NFATC3: variants seen among roughly 807,000 people sequenced by gnomAD.
NFATC3 encodes the protein nuclear factor of activated T cells 3, also known as nuclear factor of activated T-cells, cytoplasmic 3.
NFATC3 carries 46 observed loss-of-function variants against 98.6 expected under a neutral mutation model. The ratio of observed to expected loss-of-function variants is 0.47; its 90% CI spans 0.37 to 0.60. NFATC3 has a LOEUF of 0.60. Ranked by LOEUF, NFATC3 falls within the 20% of genes least tolerant of loss-of-function variation. The pLI, the probability that NFATC3 is intolerant of heterozygous loss-of-function variation, is 0.00. For synonymous variants in NFATC3, 512 were observed against 472.2 expected, an observed-to-expected ratio of 1.08 and a Z score of -1.09; for missense variants, 1,256 against 1,295.5, an observed-to-expected ratio of 0.97 and a Z score of 0.47.
intron 1 of NFATC3, among the ~76,000 whole-genome samples, chr16:68,107,287 A>G (rs987842797): frequency 1.2e-4 from 18 of 152,174 alleles, no homozygotes; most frequent in African/African-American, 3.9e-4. Context: ...AGGTAAAATG[A>G]TATTTTTGGT....
intron 1 of NFATC3, among the ~76,000 whole-genome samples, chr16:68,116,796 C>T (rs1023269274): frequency 6.7e-6 from 1 of 150,126 alleles, no homozygotes; most frequent in Non-Finnish European, 1.5e-5. Flanking sequence ...CTATGGGTGA[C>T]TTTCTGTCCT....
At chr16:68,129,105 T>C (rs1045540276) in intron 3 of NFATC3, among the ~76,000 whole-genome samples, 4 of 151,738 alleles carry the variant, frequency 2.6e-5, no homozygotes, top group African/African-American at 9.7e-5. Context: ...TACAAAAAAT[T>C]TGAAAAATAG....
At chr16:68,211,217 C>T (rs567616895) in intron 9 of NFATC3, among the ~76,000 whole-genome samples, 1 of 152,124 alleles carries the variant, frequency 6.6e-6, no homozygotes, top group Non-Finnish European at 1.5e-5. Context: ...GAGATGGAGT[C>T]TCGCTCTGTC....
intron 3 of NFATC3, among the ~76,000 whole-genome samples, chr16:68,137,780 A>AT (rs2037513082): frequency 6.6e-6 from 1 of 151,252 alleles, no homozygotes; most frequent in African/African-American, 2.4e-5. Context: ...CGCCCAGCTA[A>AT]TTTTTTTGTA....
chr16:68,223,817 C>A (rs904928160), intron 9 of NFATC3, among the ~76,000 whole-genome samples: 10 of 150,556 alleles, frequency 6.6e-5, no homozygotes, highest in African/African-American at 2.5e-4. Context: ...ACCACTTGAA[C>A]CCGGGAGACG....
At chr16:68,155,709 T>C (rs1483362727) in intron 3 of NFATC3, among the ~76,000 whole-genome samples, 1 of 152,200 alleles carries the variant, frequency 6.6e-6, no homozygotes, top group East Asian at 1.9e-4. Flanking sequence ...TTAAGAGCTG[T>C]GACCTTACAA....
intron 1 of NFATC3, among the ~76,000 whole-genome samples, chr16:68,101,597 T>C (rs958071964): frequency 6.6e-6 from 1 of 151,884 alleles, no homozygotes; most frequent in South Asian, 2.1e-4. Flanking sequence ...CATTCTCTTG[T>C]CTCAGCCTCC....
At chr16:68,189,159 C>T (rs1397627541) in intron 8 of NFATC3, 1 of 152,184 alleles carries the variant, frequency 6.6e-6, no homozygotes, top group Admixed American at 6.5e-5. Context: ...TCTATTCCAT[C>T]ACATTGATTA....
chr16:68,216,732 C>T (rs567711283), intron 9 of NFATC3, among the ~76,000 whole-genome samples: 127 of 152,108 alleles, frequency 8.3e-4, no homozygotes, highest in Non-Finnish European at 1.4e-3. Flanking sequence ...GGGATTTCAC[C>T]GTGTTGGCCA....
intron 5 of NFATC3, among the ~76,000 whole-genome samples, chr16:68,173,426 G>A (rs542414940): frequency 6.6e-6 from 1 of 152,242 alleles, no homozygotes; most frequent in Admixed American, 6.5e-5. Flanking sequence ...AATTAGCCGG[G>A]TATGGTGGCA....
intron 8 of NFATC3, among the ~76,000 whole-genome samples, chr16:68,190,105 A>G (rs1324156864): frequency 6.6e-6 from 1 of 152,246 alleles, no homozygotes; most frequent in African/African-American, 2.4e-5. Context: ...GTTTATAGAA[A>G]TATAACTTAC....
At chr16:68,190,291 T>A (rs2040380865) in intron 8 of NFATC3, among the ~76,000 whole-genome samples, 1 of 152,220 alleles carries the variant, frequency 6.6e-6, no homozygotes, top group African/African-American at 2.4e-5. Context: ...ATTTCTGGTA[T>A]ATGATGCAAC....
At chr16:68,198,953 C>T (rs988720381) in intron 9 of NFATC3, among the ~76,000 whole-genome samples, 4 of 152,068 alleles carry the variant, frequency 2.6e-5, no homozygotes, top group Admixed American at 2.6e-4. Flanking sequence ...GAGTCTGAGG[C>T]AGGGGAATCG....
chr16:68,217,464 CAAAAAAAAAAA>C (rs68079157), intron 9 of NFATC3, among the ~76,000 whole-genome samples: 1 of 44,962 alleles, frequency 2.2e-5, no homozygotes, highest in South Asian at 9.1e-4. Context: ...GTCTCTGTCT[CAAAAAAAAAAA>C]AAAAAAAAAA....
At chr16:68,099,145 A>G (rs2035202809) in intron 1 of NFATC3, among the ~76,000 whole-genome samples, 1 of 152,168 alleles carries the variant, frequency 6.6e-6, no homozygotes, top group Non-Finnish European at 1.5e-5. Context: ...ATCAAGATAC[A>G]GAACTGGGCC....
Position 68,098,304 on chromosome 16 carries a change from T to TATTA in NFATC3, c.103+12520_103+12521insATTA, listed in dbSNP as rs1226129009. Among the ~76,000 whole-genome samples the TATTA allele has an allele frequency of 4.9e-3, 615 of 124,726 alleles. 4 individuals carry two copies. The highest frequency in any genetic ancestry group is 0.017 in the African/African-American group (561 of 32,674). The allele number at this position is 124,726 out of a possible 152,430, so 81.8% of individuals were successfully genotyped here. ...ATTATTATTATTATTATTATTATTT[T>TATTA]TTTTTTTTTTTTTTTAGATGGAGTC... On this transcript the variant is annotated intron_variant, in intron 1 of 9. Transcript: ENST00000346183.
At chr16:68,162,386 A>G (rs2038934465) in intron 4 of NFATC3, among the ~76,000 whole-genome samples, 1 of 152,200 alleles carries the variant, frequency 6.6e-6, no homozygotes, top group Non-Finnish European at 1.5e-5. Flanking sequence ...GTTGAATATA[A>G]TATAGTTCCA....
intron 7 of NFATC3, among the ~76,000 whole-genome samples, chr16:68,181,931 A>G (rs1207482762): frequency 6.6e-6 from 1 of 152,134 alleles, no homozygotes; most frequent in Non-Finnish European, 1.5e-5. Context: ...TGTCTAAAAA[A>G]GTAAAATTTC....
chr16:68,085,540 C>G lies in NFATC3; in HGVS notation c.-142C>G. On this transcript the variant is annotated 5_prime_UTR_variant, in exon 1 of 10. Coordinates refer to ENST00000346183, the MANE Select transcript of NFATC3 (RefSeq NM_173165.3). The stretch of plus-strand genomic sequence containing the variant: ...GAACGGAACGCTCGGCGTCGCGGGC[C>G]CCGCCCGGAAAGTTTGCCGTGGAGT... 4 of 678,206 alleles carry G rather than the reference C, an allele frequency of 5.9e-6. No individual in the cohort carries two copies. Among genetic ancestry groups the G allele is most frequent in the Non-Finnish European group, 6.8e-6 (3 of 443,726 alleles). 42.0% of individuals were successfully genotyped at this position (678,206 alleles called of 1,614,324 possible).
Sources: gnomAD v4.1 joint callset for allele counts (sites outside exome capture counted in the v4.1 genomes callset) on GRCh38, gnomAD v4.1.1 for gene constraint, MANE v1.5 for transcripts, NCBI Gene and HGNC (gene_info 2026-07-23, HGNC 2026-07-21) for gene names.